Variants in SCYL1 observed in about 807,000 individuals in gnomAD.
The protein encoded by SCYL1 is SCY1 like pseudokinase 1, also known as N-terminal kinase-like protein.
Under a neutral mutation model 94.8 loss-of-function variants are expected in SCYL1, and 85 were observed. The observed-to-expected ratio is 0.90, with a 90% confidence interval of 0.75 to 1.07. The LOEUF (loss-of-function observed/expected upper bound fraction) is 1.07, where lower values mean the gene tolerates loss of function less well. SCYL1 is among the 50% of genes least tolerant of loss of function. The pLI, the probability that SCYL1 is intolerant of heterozygous loss-of-function variation, is 0.00. For synonymous variants in SCYL1, 459 were observed against 435.5 expected, an observed-to-expected ratio of 1.05 and a Z score of -0.67; for missense variants, 968 against 1,083.3, an observed-to-expected ratio of 0.89 and a Z score of 1.49.
rs1212295907 is a variant in SCYL1 at position 65,536,218 on chromosome 11, G to A, written c.1576-41G>A. 6 of 1,608,226 alleles carry A rather than the reference G, an allele frequency of 3.7e-6. No individual in the cohort carries two copies. In the Admixed American group the frequency reaches 8.4e-5, roughly 22 times the overall value. ...CCCCTAGCTGGCCTGGTAGGTTCTT[G>A]GGAACCCCAGAGACCCCAGCTCTGC... On this transcript the variant is annotated intron_variant, in intron 11 of 17. Transcript: ENST00000270176.
chr11:65,525,249 C>T lies in SCYL1; in HGVS notation c.96C>T (p.His32=). ...EGGLPGPWAL[H]RGRKKATGSP... ...GCCTGCCCGGGCCCTGGGCCCTGCA[C>T]CGCGGCCGCAAGAAGGTGAGTGCGG... Residue 32 remains histidine, a synonymous_variant, in exon 1 of 18, where the codon CAC becomes CAT. Transcript: ENST00000270176. 6.9e-7 allele frequency: 1 copy of T among 1,447,846 alleles called. No homozygotes were observed. Among genetic ancestry groups the T allele is most frequent in the Non-Finnish European group, 9.1e-7 (1 of 1,098,088 alleles). 89.7% of individuals were successfully genotyped at this position (1,447,846 alleles called of 1,614,324 possible). A position where few individuals can be genotyped will look rare whatever the true frequency, so the allele number is the denominator to read the frequency against.
At chr11:65,530,516 G>A in intron 6 of SCYL1, 113 bp from the exon 7 acceptor site, 1 of 1,238,246 alleles carries the variant, frequency 8.1e-7, no homozygotes, top group South Asian at 1.6e-5. Context: ...AGGCAGCCAG[G>A]CTCCAGAGCC....
At position 65,525,125 on chromosome 11, in the gene SCYL1, C is replaced by A. The variant is rs1488077857; in HGVS notation, c.-29C>A. On this transcript the variant is annotated 5_prime_UTR_variant, in exon 1 of 18. Coordinates refer to ENST00000270176, the MANE Select transcript of SCYL1 (RefSeq NM_020680.4). The stretch of plus-strand genomic sequence containing the variant: ...GCGGCCGGAGGACCCGGAGCTAAGG[C>A]GCCCGAACCCGCGGCGGCGGTGGGG... 6 of 1,299,454 alleles carry A rather than the reference C, an allele frequency of 4.6e-6. No individual in the cohort carries two copies. The highest frequency in any genetic ancestry group is 8.3e-5 in the Admixed American group (2 of 24,054). The allele number at this position is 1,299,454 out of a possible 1,614,324, so 80.5% of individuals were successfully genotyped here. A position where few individuals can be genotyped will look rare whatever the true frequency, so the allele number is the denominator to read the frequency against.
rs1418439202 is a variant in SCYL1 at position 65,532,771 on chromosome 11, A to T, written c.1196A>T (p.Asp399Val). The T allele has an allele frequency of 1.2e-6, 2 of 1,613,938 alleles. No homozygotes were observed. The highest frequency in any genetic ancestry group is 1.7e-6 in the Non-Finnish European group (2 of 1,179,960). The part of the protein sequence containing the change: ...IFPHVVHGFL[D>V]TNPAIREQTV... ...CCCCACGTCGTACATGGCTTCCTGG[A>T]CACCAACCCTGCCATCCGGGAGCAG... The change falls in exon 9 of 18, where the codon GAC (aspartate) becomes GTC (valine). Residue 399 changes from aspartate (D) to valine (V), a missense_variant. Physicochemically the swap from Asp to Val is radical, Grantham distance 152. This residue lies in a region of SCYL1 where 494 missense variants were observed against 619.7 expected (regional missense o/e 0.80). Coordinates refer to ENST00000270176, the MANE Select transcript of SCYL1 (RefSeq NM_020680.4).
chr11:65,538,456 G>T lies in SCYL1; in HGVS notation c.2317G>T (p.Glu773Ter). The change falls in exon 18 of 18, where the codon GAG becomes TAG. Residue 773 changes from glutamate to a stop codon, truncating the protein, a stop_gained. Coordinates refer to ENST00000270176, the MANE Select transcript of SCYL1 (RefSeq NM_020680.4). LOFTEE classifies it high-confidence loss of function. ...CCTGACGCCAGGACAGGTCAAGGCT[G>T]AGCTGGCCCGGAAGAAGCGCGAGGA... Reference protein sequence around the residue: ...LETDSRQVKAELARKKREERR... With the variant: ...LETDSRQVKA 6.4e-7 allele frequency: 1 copy of T among 1,565,660 alleles called. No homozygotes were observed.
At position 65,538,494 on chromosome 11, in the gene SCYL1, G is replaced by A. The variant is rs764785199; in HGVS notation, c.2355G>A (p.Glu785=). The A allele has an allele frequency of 6.2e-7, 1 of 1,601,972 alleles. No homozygotes were observed. The highest frequency in any genetic ancestry group is 2.3e-5 in the East Asian group (1 of 44,206). The part of the protein sequence containing the change: ...ARKKREERRR[E]MEAKRAERKV... The stretch of plus-strand genomic sequence containing the variant: ...AGAAGCGCGAGGAGCGGCGGCGGGA[G>A]ATGGAGGCCAAACGCGCCGAGAGGA... The change falls in exon 18 of 18, where the codon GAG becomes GAA. Residue 785 remains glutamate, a synonymous_variant. Coordinates refer to ENST00000270176, the MANE Select transcript of SCYL1 (RefSeq NM_020680.4).
chr11:65,531,470 C>T, intron 7 of SCYL1, 106 bp from the exon 8 acceptor site: 1 of 793,526 alleles, frequency 1.3e-6, no homozygotes, highest in Non-Finnish European at 2.2e-6. Context: ...CCCCCTCCGC[C>T]ATCACTTCAT....
chr11:65,525,758 C>T (rs1855042485), intron 2 of SCYL1, 44 bp downstream of exon 2: 1 of 1,607,236 alleles, frequency 6.2e-7, no homozygotes, highest in African/African-American at 1.3e-5. Context: ...TCACGATGTC[C>T]TGGTTACCCA....
At chr11:65,536,824 C>T (rs1306666153) in intron 13 of SCYL1, 74 bp downstream of exon 13, 3 of 1,490,744 alleles carry the variant, frequency 2.0e-6, no homozygotes, top group South Asian at 2.5e-5. Context: ...CTCTTACTGT[C>T]TGACTCCCCC....
chr11:65,527,121 AG>A lies in SCYL1; in HGVS notation c.849+5del, dbSNP rs770583053. ...CCTCTTCCTGGAGGAGATTCAGGTGAGCCCCCAACCCACCCTGGGCTTCGAC... is the reference window on the plus strand; with the variant it reads ...CCTCTTCCTGGAGGAGATTCAGGTGACCCCCAACCCACCCTGGGCTTCGAC... On this transcript the variant is annotated splice_donor_5th_base_variant and intron_variant, in intron 6 of 17. Coordinates refer to ENST00000270176, the MANE Select transcript of SCYL1 (RefSeq NM_020680.4). 16 of 1,611,450 alleles carry A rather than the reference AG, an allele frequency of 9.9e-6. No individual in the cohort carries two copies. Among genetic ancestry groups the A allele is most frequent in the Non-Finnish European group, 1.4e-5 (16 of 1,178,232 alleles).
Position 65,537,858 on chromosome 11 carries a change from G to A in SCYL1, c.2009G>A (p.Gly670Asp). ...LAQQDDWSTG[G>D]QVSRASQVSN... ...CAGCAGGACGACTGGAGCACCGGGG[G>A]CCAAGTGAGCCGTGCTAGTCAGGTG... is the stretch of plus-strand genomic sequence containing the variant. Residue 670 changes from glycine to aspartate, a missense_variant, in exon 15 of 18, where the codon GGC (glycine) becomes GAC (aspartate). By Grantham distance (94) the Gly-to-Asp change is moderately conservative (BLOSUM62 -1). Transcript: ENST00000270176. 1.3e-6 allele frequency: 2 copies of A among 1,575,934 alleles called. No homozygotes were observed. The highest frequency in any genetic ancestry group is 1.7e-6 in the Non-Finnish European group (2 of 1,160,446).
Position 65,538,433 on chromosome 11 carries a change from T to C in SCYL1, c.2303-9T>C. The C allele has an allele frequency of 6.5e-7, 1 of 1,547,806 alleles. No homozygotes were observed. On this transcript the variant is annotated splice_polypyrimidine_tract_variant and intron_variant, in intron 17 of 17. Transcript: ENST00000270176. ...GAGCTGAGACCGGGGCTCCCCTTCC[T>C]GACGCCAGGACAGGTCAAGGCTGAG...
At chr11:65,531,390 G>A (rs1565072980) in intron 7 of SCYL1, among the ~76,000 whole-genome samples, 186 bp from the exon 8 acceptor site, 1 of 152,150 alleles carries the variant, frequency 6.6e-6, no homozygotes, top group Non-Finnish European at 1.5e-5. Context: ...AAGAGGCCTT[G>A]GCCCAGAAAG....
chr11:65,530,015 T>C (rs1855287843), intron 6 of SCYL1, among the ~76,000 whole-genome samples: 1 of 152,118 alleles, frequency 6.6e-6, no homozygotes, highest in Non-Finnish European at 1.5e-5. Flanking sequence ...TTGGGGGTAT[T>C]ATGGCCTCAA....
rs750187828 is a variant in SCYL1, at chr11:65,531,656, G to C, written c.1089G>C (p.Arg363=). 35 of 1,613,776 alleles carry C rather than the reference G, an allele frequency of 2.2e-5. No homozygotes were observed. The highest frequency in any genetic ancestry group is 2.8e-5 in the Non-Finnish European group (33 of 1,179,780). Residue 363 remains arginine (R), a synonymous_variant, in exon 8 of 18, where the codon CGG becomes CGC. Coordinates refer to ENST00000270176, the MANE Select transcript of SCYL1 (RefSeq NM_020680.4). The stretch of plus-strand genomic sequence containing the variant: ...TCAAGATGTTCTCATCCACTGACCG[G>C]GCCATGCGCATCCGCCTCCTGCAGC... ...VVVKMFSSTD[R]AMRIRLLQQM... is the part of the protein sequence containing the mutation.
chr11:65,536,684 C>G lies in SCYL1; in HGVS notation c.1750C>G (p.Leu584Val). ...VTGVSSLTSKLIRSHPTTAPT... is the reference protein window; with the variant it reads ...VTGVSSLTSKVIRSHPTTAPT... ...CGGGGTCTCCTCACTCACCTCCAAG[C>G]TGATCCGTTCGCACCCAACCACTGC... Residue 584 changes from leucine to valine, a missense_variant, in exon 13 of 18, where the codon CTG becomes GTG. Physicochemically the swap from Leu to Val is conservative, Grantham distance 32 (BLOSUM62 1). Around this residue, in one of 2 missense-constraint regions of SCYL1, gnomAD observed 474 missense variants for 463.6 expected, o/e 1.02. Coordinates refer to ENST00000270176, the MANE Select transcript of SCYL1 (RefSeq NM_020680.4). The G allele has an allele frequency of 1.2e-6, 2 of 1,613,992 alleles. No homozygotes were observed. The highest frequency in any genetic ancestry group is 1.1e-5 in the South Asian group (1 of 91,072).
In SCYL1 at chr11:65,525,943, T is replaced by C. The variant is rs768047260; in HGVS notation, c.275T>C (p.Val92Ala). Residue 92 changes from valine to alanine, a missense_variant, in exon 3 of 18, where the codon GTG becomes GCG. This residue lies in a region of SCYL1 where 494 missense variants were observed against 619.7 expected (regional missense o/e 0.80). Transcript: ENST00000270176. ...CAGACAGAAAAATGCCTCCACGTCG[T>C]GACAGAGGCTGTGACCCCGTTGGGA... The part of the protein sequence containing the change: ...GLETEKCLHV[V>A]TEAVTPLGIY... The C allele has an allele frequency of 6.2e-7, 1 of 1,613,586 alleles. No homozygotes were observed. Among genetic ancestry groups the C allele is most frequent in the Non-Finnish European group, 8.5e-7 (1 of 1,179,936 alleles).
At position 65,538,453 on chromosome 11, in the gene SCYL1, G is replaced by C. The variant is rs1450143944; in HGVS notation, c.2314G>C (p.Ala772Pro). Reference protein sequence around the residue: ...GLETDSRQVKAELARKKREER... With the variant: ...GLETDSRQVKPELARKKREER... ...CTTCCTGACGCCAGGACAGGTCAAG[G>C]CTGAGCTGGCCCGGAAGAAGCGCGA... The change falls in exon 18 of 18, where the codon GCT (alanine) becomes CCT (proline). Residue 772 changes from alanine (A) to proline (P), a missense_variant. Transcript: ENST00000270176. The C allele has an allele frequency of 6.4e-7, 1 of 1,562,778 alleles. No homozygotes were observed. Among genetic ancestry groups the C allele is most frequent in the Admixed American group, 1.9e-5 (1 of 52,354 alleles).
In SCYL1 at chr11:65,530,765, T is replaced by C. The variant is rs1263751189; in HGVS notation, c.986T>C (p.Val329Ala). ...TTCGAGTTCGGCAATGCTGGGGCCGTTGTCCTCACGCCCCTCTTCAAGGTG... is the reference window on the plus strand; with the variant it reads ...TTCGAGTTCGGCAATGCTGGGGCCGCTGTCCTCACGCCCCTCTTCAAGGTG... ...TAFEFGNAGA[V>A]VLTPLFKVGK... The change falls in exon 7 of 18, where the codon GTT (valine) becomes GCT (alanine). Residue 329 changes from valine (V) to alanine (A), a missense_variant. Physicochemically the swap from Val to Ala is moderately conservative, Grantham distance 64. Coordinates refer to ENST00000270176, the MANE Select transcript of SCYL1 (RefSeq NM_020680.4). The C allele has an allele frequency of 6.2e-7, 1 of 1,613,224 alleles. No homozygotes were observed.
Sources: gnomAD v4.1 joint callset for allele counts (sites outside exome capture counted in the v4.1 genomes callset) on GRCh38, gnomAD v4.1.1 for gene constraint, gnomAD v4.1.1 regional missense constraint, MANE v1.5 for transcripts, NCBI Gene and HGNC (gene_info 2026-07-23, HGNC 2026-07-21) for gene names.